The following NCAM1 variants were observed in gnomAD, a reference collection of about 807,000 sequenced individuals.
NCAM1 encodes antigen recognized by monoclonal antibody 5.1H11.
NCAM1 carries 14 observed loss-of-function variants against 109.8 expected under a neutral mutation model. That is an observed-to-expected ratio of 0.13 (90% CI 0.08 to 0.20). The LOEUF (loss-of-function observed/expected upper bound fraction) is 0.20. Ranked by LOEUF, NCAM1 falls within the 10% of genes least tolerant of loss-of-function variation. NCAM1 has a pLI of 1.00. For synonymous variants in NCAM1, 418 were observed against 442.9 expected, an observed-to-expected ratio of 0.94 and a Z score of 0.70; for missense variants, 774 against 1,109.9, an observed-to-expected ratio of 0.70 and a Z score of 4.30.
chr11:113,186,483 T>C (rs1357009387), intron 1 of NCAM1, among the ~76,000 whole-genome samples: 2 of 152,230 alleles, frequency 1.3e-5, no homozygotes, highest in Admixed American at 1.3e-4. Context: ...CATTACATTA[T>C]AACACAGTAA....
intron 14 of NCAM1, among the ~76,000 whole-genome samples, chr11:113,236,754 A>G (rs1467438668): frequency 6.6e-6 from 1 of 152,164 alleles, no homozygotes; most frequent in Non-Finnish European, 1.5e-5. Flanking sequence ...AAAGAACCTG[A>G]AAGGATTTTC....
intron 17 of NCAM1, 129 bp downstream of exon 17, chr11:113,260,452 C>T: frequency 9.3e-7 from 1 of 1,069,634 alleles, no homozygotes. Flanking sequence ...GTTGCCCATG[C>T]AAAGCTTAGT....
chr11:113,243,722 A>G (rs1340703226), intron 14 of NCAM1: 2 of 346,676 alleles, frequency 5.8e-6, no homozygotes, highest in Non-Finnish European at 1.2e-5. Flanking sequence ...TAGATTTTAT[A>G]ATATTTCTGC....
Position 113,214,500 on chromosome 11 carries a change from A to G in NCAM1, c.1048A>G (p.Ser350Gly), listed in dbSNP as rs201693511. ...TWRTSTRNIS[S>G]EEKASWTRPE... ...GAGGACTTCTACCCGGAACATCAGCAGCGAAGAAAAGGTATCATGCTCCCC... is the reference window on the plus strand; with the variant it reads ...GAGGACTTCTACCCGGAACATCAGCGGCGAAGAAAAGGTATCATGCTCCCC... The change falls in exon 8 of 20, where the codon AGC becomes GGC. Residue 350 changes from serine to glycine, a missense_variant. Physicochemically the swap from Ser to Gly is moderately conservative, Grantham distance 56. Transcript: ENST00000316851. The G allele has an allele frequency of 1.1e-4, 177 of 1,607,508 alleles. No individual in the cohort carries two copies. Among genetic ancestry groups the G allele is most frequent in the Non-Finnish European group, 1.4e-4 (168 of 1,176,850 alleles).
chr11:113,092,138 G>A (rs1939376351), intron 1 of NCAM1, among the ~76,000 whole-genome samples: 1 of 152,092 alleles, frequency 6.6e-6, no homozygotes, highest in Non-Finnish European at 1.5e-5. Context: ...TTAGCTTGCT[G>A]TGGACAAGAA....
chr11:113,175,974 C>T lies in NCAM1; in HGVS notation c.53-26405C>T, dbSNP rs141192064. Reference sequence around the variant, plus strand: ...TGATTATGTGAATGTATGAAATCATCGCATGTACTCCCAAAATATGTATAC... The same window carrying T: ...TGATTATGTGAATGTATGAAATCATTGCATGTACTCCCAAAATATGTATAC... On this transcript the variant is annotated intron_variant, in intron 1 of 19. Transcript: ENST00000316851. Among the ~76,000 whole-genome samples the T allele has an allele frequency of 9.9e-4, 151 of 152,170 alleles. 1 individual carries two copies. The highest frequency in any genetic ancestry group is 3.5e-3 in the African/African-American group (146 of 41,502).
chr11:113,180,901 C>T (rs1943309038), intron 1 of NCAM1, among the ~76,000 whole-genome samples: 2 of 152,198 alleles, frequency 1.3e-5, no homozygotes, highest in African/African-American at 4.8e-5. Context: ...AGAGACCATG[C>T]TGCGTCCCAG....
At chr11:113,210,058 A>C (rs1944343446) in intron 7 of NCAM1, among the ~76,000 whole-genome samples, 2 of 152,184 alleles carry the variant, frequency 1.3e-5, no homozygotes, top group Admixed American at 1.3e-4. Context: ...TGCATTAGGC[A>C]CTAGATTGAA....
intron 1 of NCAM1, among the ~76,000 whole-genome samples, chr11:113,002,324 A>C (rs1555072595): frequency 6.6e-6 from 1 of 152,186 alleles, no homozygotes. Context: ...AGAGTACACA[A>C]ATCTAAAACT....
Position 113,275,476 on chromosome 11 carries a change from A to ACGCACACACACAAACACACATG in NCAM1, c.*91_*112dup, listed in dbSNP as rs1263261808. On this transcript the variant is annotated 3_prime_UTR_variant, in exon 20 of 20. Transcript: ENST00000316851. ...TCCAACACCACAGACACACACACGC[A>ACGCACACACACAAACACACATG]CGCACACACACAAACACACATGCAC... 2.0e-6 allele frequency: 3 copies of ACGCACACACACAAACACACATG among 1,472,938 alleles called. No homozygotes were observed. The highest frequency in any genetic ancestry group is 2.8e-6 in the Non-Finnish European group (3 of 1,083,626). 91.2% of individuals were successfully genotyped at this position (1,472,938 alleles called of 1,614,324 possible). A position where few individuals can be genotyped will look rare whatever the true frequency, so the allele number is the denominator to read the frequency against.
chr11:112,993,542 G>A (rs1440446947), intron 1 of NCAM1, among the ~76,000 whole-genome samples: 1 of 152,100 alleles, frequency 6.6e-6, no homozygotes, highest in Non-Finnish European at 1.5e-5. Context: ...TCCTCATTTT[G>A]TGAGATGAGG....
intron 1 of NCAM1, among the ~76,000 whole-genome samples, chr11:113,044,787 T>C (rs1953206771): frequency 6.6e-6 from 1 of 151,864 alleles, no homozygotes; most frequent in Non-Finnish European, 1.5e-5. Context: ...GGAGTCTCGC[T>C]CTGTCGCCCA....
chr11:113,207,408 G>A (rs906842307), intron 6 of NCAM1, 30 bp downstream of exon 6: 2 of 1,558,568 alleles, frequency 1.3e-6, no homozygotes, highest in Admixed American at 1.7e-5. Flanking sequence ...CTTTTATCAT[G>A]GACTAGAGGA....
chr11:113,148,378 T>G (rs1230259938), intron 1 of NCAM1, among the ~76,000 whole-genome samples: 1 of 151,130 alleles, frequency 6.6e-6, no homozygotes, highest in African/African-American at 2.4e-5. Flanking sequence ...TTTTTTCCTT[T>G]TTTTTCTTTT....
chr11:113,235,894 T>C (rs560382656), intron 14 of NCAM1, among the ~76,000 whole-genome samples: 1 of 152,312 alleles, frequency 6.6e-6, no homozygotes, highest in East Asian at 1.9e-4. Context: ...CCTGCTCCTG[T>C]CATACCCCTT....
chr11:113,273,762 T>C lies in NCAM1; in HGVS notation c.2457-1505T>C. ...AGCAAAGACCGAGTACGGCCTCTCT[T>C]TGTCTGCTGTCATCGGGTTGTGTCC... On this transcript the variant is annotated intron_variant, in intron 19 of 19. Coordinates refer to ENST00000316851, the MANE Select transcript of NCAM1 (RefSeq NM_181351.5). This position sits in a 1 kb window ranked among gnomAD's most constrained non-coding sequence, Gnocchi z 6.0. 1 of 426,292 alleles carries C rather than the reference T, an allele frequency of 2.3e-6. No homozygotes were observed. The highest frequency in any genetic ancestry group is 4.8e-6 in the Non-Finnish European group (1 of 208,388). 26.4% of individuals were successfully genotyped at this position (426,292 alleles called of 1,614,324 possible). A position where few individuals can be genotyped will look rare whatever the true frequency, so the allele number is the denominator to read the frequency against.
intron 1 of NCAM1, among the ~76,000 whole-genome samples, chr11:113,031,338 G>A (rs781969111): frequency 1.3e-5 from 2 of 152,086 alleles, no homozygotes; most frequent in Non-Finnish European, 2.9e-5. Flanking sequence ...ACCTTGGGAG[G>A]CATTTTAAAC....
At chr11:113,098,771 G>A (rs868975434) in intron 1 of NCAM1, among the ~76,000 whole-genome samples, 3 of 152,168 alleles carry the variant, frequency 2.0e-5, no homozygotes, top group Non-Finnish European at 4.4e-5. Context: ...AGCACAGTGC[G>A]TTCCAGTTTG....
intron 1 of NCAM1, among the ~76,000 whole-genome samples, chr11:113,193,258 C>T (rs1456809799): frequency 6.6e-6 from 1 of 152,178 alleles, no homozygotes; most frequent in Non-Finnish European, 1.5e-5. Context: ...TGGCTATGTG[C>T]TTGATCCACG....
Sources: allele counts gnomAD v4.1 joint callset (sites outside exome capture counted in the v4.1 genomes callset), GRCh38; gene constraint gnomAD v4.1.1; non-coding constraint Gnocchi (gnomAD v3.1); transcripts MANE v1.5; gene names NCBI Gene and HGNC (gene_info 2026-07-23, HGNC 2026-07-21).